Variants in EPHB1 observed in about 807,000 individuals in gnomAD.
The protein encoded by EPHB1 is EPH receptor B1, also known as ephrin type-B receptor 1.
A neutral mutation model predicts 94.4 loss-of-function variants in EPHB1; 30 were observed. The observed-to-expected ratio is 0.32, with a 90% CI of 0.24 to 0.43. The LOEUF is 0.43. Ranked by LOEUF, EPHB1 falls within the 20% of genes least tolerant of loss-of-function variation. The probability of loss-of-function intolerance (pLI) is 1.00; values close to 1 mark genes in which losing one functional copy is unlikely to be tolerated. For synonymous variants in EPHB1, 522 were observed against 489.1 expected, an observed-to-expected ratio of 1.07 and a Z score of -0.89; for missense variants, 1,055 against 1,308.3, an observed-to-expected ratio of 0.81 and a Z score of 2.99.
At chr3:134,810,012 T>C (rs1006263624) in intron 1 of EPHB1, among the ~76,000 whole-genome samples, 12 of 152,238 alleles carry the variant, frequency 7.9e-5, no homozygotes, top group African/African-American at 2.9e-4. Flanking sequence ...GCACTGCTGC[T>C]TCCTAGTCCT....
At chr3:134,952,130 G>A (rs1251272041) in intron 3 of EPHB1, 78 bp downstream of exon 3, 28 of 1,444,790 alleles carry the variant, frequency 1.9e-5, no homozygotes, top group Non-Finnish European at 2.6e-5. Flanking sequence ...ATAATTCTGG[G>A]TCATACAGGA....
chr3:135,160,234 C>A (rs10804635), intron 6 of EPHB1, among the ~76,000 whole-genome samples: 52,283 of 152,050 alleles, frequency 0.34, 9,316 homozygotes, highest in East Asian at 0.57. Flanking sequence ...GCTGGCCAAA[C>A]GAAGGAATGA....
intron 9 of EPHB1, among the ~76,000 whole-genome samples, chr3:135,178,137 C>A (rs1392565628): frequency 6.6e-6 from 1 of 151,818 alleles, no homozygotes; most frequent in Non-Finnish European, 1.5e-5. Flanking sequence ...GGGCAGGGCA[C>A]CTGGCCCTCC....
intron 1 of EPHB1, among the ~76,000 whole-genome samples, chr3:134,875,667 T>C (rs115767761): frequency 0.012 from 1,821 of 152,308 alleles, 39 homozygotes; most frequent in African/African-American, 0.042. Context: ...AGCTAATGTT[T>C]TTGAGCGGGC....
intron 12 of EPHB1, among the ~76,000 whole-genome samples, chr3:135,230,517 A>G (rs16842851): frequency 0.053 from 8,064 of 152,254 alleles, 469 homozygotes; most frequent in East Asian, 0.3. Flanking sequence ...GGACTAAACA[A>G]GGAGAGAACA....
intron 8 of EPHB1, 57 bp from the exon 9 acceptor site, chr3:135,166,885 T>C: frequency 6.3e-7 from 1 of 1,598,760 alleles, no homozygotes; most frequent in Non-Finnish European, 8.6e-7. Context: ...TGGAGGTACC[T>C]GGAACAGACT....
intron 3 of EPHB1, among the ~76,000 whole-genome samples, chr3:135,066,423 G>A (rs2107779515): frequency 6.6e-6 from 1 of 152,178 alleles, no homozygotes; most frequent in Non-Finnish European, 1.5e-5. Context: ...TGTCTTTGTT[G>A]GATTGGGTTA....
intron 1 of EPHB1, among the ~76,000 whole-genome samples, chr3:134,833,949 A>T (rs1333562772): frequency 6.6e-6 from 1 of 152,150 alleles, no homozygotes; most frequent in East Asian, 1.9e-4. Context: ...TGATAAGAGG[A>T]TGGTTTCTCA....
intron 3 of EPHB1, among the ~76,000 whole-genome samples, chr3:135,024,276 C>T (rs770948562): frequency 6.6e-5 from 10 of 152,102 alleles, no homozygotes; most frequent in Non-Finnish European, 1.2e-4. Flanking sequence ...TCAAGAGACT[C>T]GGGAAAAATA....
intron 1 of EPHB1, among the ~76,000 whole-genome samples, chr3:134,838,867 A>G (rs369491149): frequency 5.9e-5 from 9 of 152,342 alleles, no homozygotes; most frequent in African/African-American, 2.2e-4. Context: ...CTTTGGAGCT[A>G]GAAAATGGAG....
intron 5 of EPHB1, among the ~76,000 whole-genome samples, chr3:135,149,022 C>T (rs761554427): frequency 6.6e-6 from 1 of 152,188 alleles, no homozygotes; most frequent in Non-Finnish European, 1.5e-5. Flanking sequence ...GGTGCCTGTA[C>T]TCTGTTGGGT....
intron 1 of EPHB1, among the ~76,000 whole-genome samples, chr3:134,819,468 C>T (rs1055145521): frequency 1.3e-5 from 2 of 152,126 alleles, no homozygotes; most frequent in African/African-American, 4.8e-5. Flanking sequence ...AGTAGCTCCT[C>T]TATAAAATGG....
intron 3 of EPHB1, among the ~76,000 whole-genome samples, chr3:134,963,044 A>C (rs866138794): frequency 3.3e-5 from 5 of 151,310 alleles, no homozygotes; most frequent in Admixed American, 1.3e-4. Context: ...AGCTCTTTCT[A>C]TCTGGGGCCA....
At chr3:134,819,823 C>T (rs1024299005) in intron 1 of EPHB1, among the ~76,000 whole-genome samples, 8 of 152,120 alleles carry the variant, frequency 5.3e-5, no homozygotes, top group Admixed American at 1.3e-4. Flanking sequence ...TTTTCTAGCC[C>T]GGTCTTGCCT....
At chr3:135,141,051 G>A (rs946048337) in intron 5 of EPHB1, among the ~76,000 whole-genome samples, 1 of 152,074 alleles carries the variant, frequency 6.6e-6, no homozygotes, top group Non-Finnish European at 1.5e-5. Context: ...CTCAGGCCTC[G>A]GGATCAGTTT....
intron 1 of EPHB1, among the ~76,000 whole-genome samples, chr3:134,855,367 GC>G (rs1350649328): frequency 6.6e-6 from 1 of 152,200 alleles, no homozygotes; most frequent in East Asian, 1.9e-4. Flanking sequence ...CCCTGCATGG[GC>G]TGCCTCTGGT....
chr3:135,180,426 C>T (rs565409087), intron 10 of EPHB1, among the ~76,000 whole-genome samples: 321 of 152,260 alleles, frequency 2.1e-3, no homozygotes, highest in African/African-American at 7.6e-3. Context: ...GAAGACAGAC[C>T]ATGATGAATA....
Position 135,169,835 on chromosome 3 carries a change from T to C in EPHB1, c.1759+2829T>C, listed in dbSNP as rs149792316. On this transcript the variant is annotated intron_variant, in intron 9 of 15. Coordinates refer to ENST00000398015, the MANE Select transcript of EPHB1 (RefSeq NM_004441.5). Reference sequence around the variant, plus strand: ...ACATGACTAAGTAGCAGAGGCAGACTACACACCCTCTAAGCCGGCTGCAGA... The same window carrying C: ...ACATGACTAAGTAGCAGAGGCAGACCACACACCCTCTAAGCCGGCTGCAGA... 5.7e-4 allele frequency among the ~76,000 whole-genome samples: 87 copies of C among 152,300 alleles called. 1 individual carries two copies. The highest frequency in any genetic ancestry group is 2.0e-3 in the African/African-American group (84 of 41,572).
chr3:135,181,856 G>T (rs370786704), intron 10 of EPHB1, among the ~76,000 whole-genome samples: 45 of 152,256 alleles, frequency 3.0e-4, no homozygotes, highest in African/African-American at 1.1e-3. Flanking sequence ...GCCATGTTGT[G>T]CATTCTGCTC....
Sources: gnomAD v4.1 joint callset for allele counts (sites outside exome capture counted in the v4.1 genomes callset) on GRCh38, gnomAD v4.1.1 for gene constraint, MANE v1.5 for transcripts, NCBI Gene and HGNC (gene_info 2026-07-23, HGNC 2026-07-21) for gene names.